ZNF385B: variants seen among roughly 807,000 people sequenced by gnomAD.
ZNF385B encodes zinc finger protein 533.
A neutral mutation model predicts 39.2 loss-of-function variants in ZNF385B; 23 were observed. That is an observed-to-expected ratio of 0.59 (90% confidence interval 0.42 to 0.83). ZNF385B has a LOEUF of 0.83. ZNF385B is among the 40% of genes least tolerant of loss of function. ZNF385B has a pLI of 0.00. For missense variants in ZNF385B, 552 were observed against 598.9 expected (o/e 0.92, Z 0.82); for synonymous variants, 205 against 222.6 (o/e 0.92, Z 0.70).
intron 3 of ZNF385B, among the ~76,000 whole-genome samples, chr2:179,594,292 G>A (rs1421579725): frequency 6.6e-6 from 1 of 152,182 alleles, no homozygotes; most frequent in Non-Finnish European, 1.5e-5. Flanking sequence ...ATTAGAATAA[G>A]AAGTGGTTAA....
chr2:179,807,839 G>A (rs1446687904), intron 1 of ZNF385B, among the ~76,000 whole-genome samples: 1 of 149,532 alleles, frequency 6.7e-6, no homozygotes, highest in Non-Finnish European at 1.5e-5. Context: ...AGCTTGCAGT[G>A]AGCTGAGATC....
chr2:179,694,543 C>G (rs899277638), intron 3 of ZNF385B, among the ~76,000 whole-genome samples: 1 of 152,112 alleles, frequency 6.6e-6, no homozygotes, highest in African/African-American at 2.4e-5. Context: ...CACATAGCCA[C>G]ACTGTTTCAA....
intron 5 of ZNF385B, among the ~76,000 whole-genome samples, chr2:179,493,439 A>G (rs1236102639): frequency 1.3e-5 from 2 of 151,570 alleles, no homozygotes; most frequent in Admixed American, 6.6e-5. Flanking sequence ...ATATGTACGT[A>G]TATGCATGTG....
At chr2:179,494,210 A>T (rs2055902084) in intron 5 of ZNF385B, among the ~76,000 whole-genome samples, 1 of 152,174 alleles carries the variant, frequency 6.6e-6, no homozygotes, top group African/African-American at 2.4e-5. Context: ...AGAGTACTTC[A>T]GGTTCAGGGA....
intron 4 of ZNF385B, among the ~76,000 whole-genome samples, chr2:179,540,688 A>C (rs903622246): frequency 6.6e-5 from 10 of 152,278 alleles, no homozygotes; most frequent in African/African-American, 2.4e-4. Flanking sequence ...TCAGACACCC[A>C]TCATACTAAA....
At chr2:179,536,242 A>G (rs1444549287) in intron 4 of ZNF385B, 3 of 152,054 alleles carry the variant, frequency 2.0e-5, no homozygotes, top group African/African-American at 4.8e-5. Context: ...AGATTTGTTA[A>G]GAATATTAGT....
At chr2:179,553,122 T>C (rs1202560330) in intron 3 of ZNF385B, among the ~76,000 whole-genome samples, 3 of 149,068 alleles carry the variant, frequency 2.0e-5, no homozygotes, top group Non-Finnish European at 3.0e-5. Context: ...ATTCCAGTCA[T>C]ATAGATACAT....
At chr2:179,551,008 G>A (rs371318551) in intron 3 of ZNF385B, among the ~76,000 whole-genome samples, 38 of 152,088 alleles carry the variant, frequency 2.5e-4, no homozygotes, top group African/African-American at 7.7e-4. Context: ...TACCCATTAC[G>A]TTGCTATTCT....
intron 3 of ZNF385B, among the ~76,000 whole-genome samples, chr2:179,656,068 T>C (rs936745764): frequency 3.9e-5 from 6 of 152,174 alleles, no homozygotes; most frequent in African/African-American, 1.4e-4. Flanking sequence ...AGTTTATCTT[T>C]TATTTTTACA....
chr2:179,524,926 A>T (rs186845463), intron 4 of ZNF385B, among the ~76,000 whole-genome samples: 1 of 152,212 alleles, frequency 6.6e-6, no homozygotes, highest in African/African-American at 2.4e-5. Flanking sequence ...AATAATAAAC[A>T]TCATTGTAAG....
At chr2:179,703,495 T>G (rs186128698) in intron 3 of ZNF385B, among the ~76,000 whole-genome samples, 1 of 152,330 alleles carries the variant, frequency 6.6e-6, no homozygotes, top group East Asian at 1.9e-4. Flanking sequence ...GTCTCCCCAT[T>G]AAAATGTCAG....
At chr2:179,704,616 C>T (rs1699451880) in intron 3 of ZNF385B, among the ~76,000 whole-genome samples, 1 of 152,144 alleles carries the variant, frequency 6.6e-6, no homozygotes, top group Admixed American at 6.6e-5. Context: ...ACTGGAGGTA[C>T]AGGTGATTGT....
chr2:179,476,658 T>C (rs2053477617), intron 6 of ZNF385B, among the ~76,000 whole-genome samples: 1 of 152,230 alleles, frequency 6.6e-6, no homozygotes, highest in African/African-American at 2.4e-5. Context: ...ATTTAACTAC[T>C]AAGAATCTTC....
intron 3 of ZNF385B, among the ~76,000 whole-genome samples, chr2:179,712,896 TAA>T (rs1700094504): frequency 6.6e-6 from 1 of 152,222 alleles, no homozygotes; most frequent in Non-Finnish European, 1.5e-5. Context: ...TCACGTTCAA[TAA>T]AAGTCATACT....
At chr2:179,698,538 C>A (rs60465466) in intron 3 of ZNF385B, among the ~76,000 whole-genome samples, 6 of 152,260 alleles carry the variant, frequency 3.9e-5, no homozygotes, top group African/African-American at 1.4e-4. Context: ...TCAAGGGCAA[C>A]TACTTCTTCA....
chr2:179,493,682 T>TATGC (rs2055655290), intron 5 of ZNF385B, among the ~76,000 whole-genome samples: 4 of 85,386 alleles, frequency 4.7e-5, no homozygotes, highest in Admixed American at 2.4e-4. Context: ...TGCATATACA[T>TATGC]ATACACATAT....
chr2:179,807,750 C>T (rs1354193427), intron 1 of ZNF385B, among the ~76,000 whole-genome samples: 2 of 151,688 alleles, frequency 1.3e-5, no homozygotes, highest in East Asian at 4.0e-4. Flanking sequence ...AAAAAATTAG[C>T]TGGGCGTGGT....
intron 1 of ZNF385B, among the ~76,000 whole-genome samples, chr2:179,806,903 G>A (rs560785506): frequency 1.3e-5 from 2 of 152,270 alleles, no homozygotes; most frequent in South Asian, 2.1e-4. Context: ...GCCATATACA[G>A]AACGACAGAA....
At chr2:179,792,319 TTAA>T (rs1705378936) in intron 1 of ZNF385B, among the ~76,000 whole-genome samples, 1 of 151,954 alleles carries the variant, frequency 6.6e-6, no homozygotes. Flanking sequence ...TGATACCACT[TTAA>T]TAATAATTTA....
Sources: allele counts gnomAD v4.1 joint callset (sites outside exome capture counted in the v4.1 genomes callset), GRCh38; gene constraint gnomAD v4.1.1; transcripts MANE v1.5; gene names NCBI Gene and HGNC (gene_info 2026-07-23, HGNC 2026-07-21).